DLG2: variants seen among roughly 807,000 people sequenced by gnomAD.
DLG2 encodes the protein discs large MAGUK scaffold protein 2.
A neutral mutation model predicts 132.5 loss-of-function variants in DLG2; 45 were observed. That is an observed-to-expected ratio of 0.34 (90% CI 0.27 to 0.44). The LOEUF is 0.44. Among genes scored for constraint, DLG2 ranks in the 20% least tolerant of loss-of-function variants. The pLI is 1.00. For missense variants in DLG2, 1,045 were observed against 1,196.9 expected (o/e 0.87, Z 1.87); for synonymous variants, 424 against 419.6 (o/e 1.01, Z -0.13).
intron 3 of DLG2, among the ~76,000 whole-genome samples, chr11:85,421,182 T>C (rs2090277952): frequency 6.6e-6 from 1 of 152,024 alleles, no homozygotes; most frequent in Non-Finnish European, 1.5e-5. Flanking sequence ...CCATTCCTCA[T>C]GGCACAGTTC....
At chr11:84,142,933 T>A (rs2154241128) in intron 9 of DLG2, among the ~76,000 whole-genome samples, 1 of 151,058 alleles carries the variant, frequency 6.6e-6, no homozygotes, top group East Asian at 1.9e-4. Context: ...CTAAATCCCC[T>A]CATATATATA....
chr11:84,757,923 T>A (rs1295520133), intron 6 of DLG2, among the ~76,000 whole-genome samples: 1 of 152,172 alleles, frequency 6.6e-6, no homozygotes, highest in African/African-American at 2.4e-5. Context: ...CTTATCCTAA[T>A]ACCATGGGAA....
chr11:84,428,872 G>C (rs1025476063), intron 7 of DLG2, among the ~76,000 whole-genome samples: 1 of 152,180 alleles, frequency 6.6e-6, no homozygotes, highest in Admixed American at 6.5e-5. Context: ...TGGCATGTGG[G>C]ATAAGGCAGC....
At chr11:83,623,186 T>C (rs985404546) in intron 19 of DLG2, among the ~76,000 whole-genome samples, 1 of 152,194 alleles carries the variant, frequency 6.6e-6, no homozygotes, top group Non-Finnish European at 1.5e-5. Flanking sequence ...TATCTTTTTT[T>C]TTCTGTTGTT....
chr11:84,668,478 C>T (rs938634792), intron 6 of DLG2, among the ~76,000 whole-genome samples: 2 of 152,114 alleles, frequency 1.3e-5, no homozygotes, highest in African/African-American at 4.8e-5. Context: ...GATCAGAATG[C>T]CTCGTTCACT....
At chr11:84,159,921 T>G (rs1294410272) in intron 9 of DLG2, among the ~76,000 whole-genome samples, 1 of 152,144 alleles carries the variant, frequency 6.6e-6, no homozygotes, top group Non-Finnish European at 1.5e-5. Context: ...CTTTTAGATT[T>G]TAGATTATTT....
chr11:83,854,710 C>G (rs531615768), intron 16 of DLG2, among the ~76,000 whole-genome samples: 2 of 152,132 alleles, frequency 1.3e-5, no homozygotes, highest in African/African-American at 2.4e-5. Flanking sequence ...GGATACAACA[C>G]CAAAGGCATG....
At position 84,709,831 on chromosome 11, in the gene DLG2, T is replaced by C. The variant is rs993822414; in HGVS notation, c.358-175100A>G. On this transcript the variant is annotated intron_variant, in intron 6 of 27. Coordinates refer to ENST00000376104, the MANE Select transcript of DLG2 (RefSeq NM_001142699.3). Reference sequence around the variant, plus strand: ...AGAAGTGTTGGACCATAGAGATCAATTGTAGACTTGAATAGAAAATCAAAT... The same window carrying C: ...AGAAGTGTTGGACCATAGAGATCAACTGTAGACTTGAATAGAAAATCAAAT... 4.0e-5 allele frequency among the ~76,000 whole-genome samples: 6 copies of C among 151,888 alleles called. No homozygotes were observed. The East Asian group carries it at 7.8e-4, about 20-fold the overall frequency.
chr11:84,431,168 A>G (rs986851771), intron 7 of DLG2, among the ~76,000 whole-genome samples: 3 of 152,198 alleles, frequency 2.0e-5, no homozygotes, highest in African/African-American at 7.2e-5. Context: ...ATAAACCTAC[A>G]TGATTTTATA....
intron 5 of DLG2, among the ~76,000 whole-genome samples, chr11:85,137,490 C>T (rs1296406260): frequency 6.6e-6 from 1 of 152,110 alleles, no homozygotes; most frequent in Non-Finnish European, 1.5e-5. Flanking sequence ...TTCTGTCCCT[C>T]TGGGTCCAAA....
At chr11:83,670,260 G>A (rs999033481) in intron 18 of DLG2, among the ~76,000 whole-genome samples, 7 of 152,112 alleles carry the variant, frequency 4.6e-5, no homozygotes, top group Non-Finnish European at 1.0e-4. Flanking sequence ...TACAAATAGA[G>A]TGGATGCTTG....
At chr11:84,346,289 T>C (rs1354931946) in intron 7 of DLG2, among the ~76,000 whole-genome samples, 2 of 152,322 alleles carry the variant, frequency 1.3e-5, no homozygotes, top group Non-Finnish European at 2.9e-5. Context: ...TTTATTTATT[T>C]ATAGGTCTTC....
intron 4 of DLG2, among the ~76,000 whole-genome samples, chr11:85,156,062 T>C (rs1421333279): frequency 6.6e-6 from 1 of 152,064 alleles, no homozygotes; most frequent in Non-Finnish European, 1.5e-5. Context: ...CCACTCCTTT[T>C]CAGGCAATAG....
intron 3 of DLG2, among the ~76,000 whole-genome samples, chr11:85,509,524 AG>A (rs1366413088): frequency 1.6e-4 from 24 of 152,204 alleles, no homozygotes; most frequent in African/African-American, 4.3e-4. Flanking sequence ...ATCTAAGGAC[AG>A]GATATGTATA....
intron 3 of DLG2, among the ~76,000 whole-genome samples, chr11:85,397,696 T>C (rs2087549890): frequency 1.3e-5 from 2 of 152,124 alleles, no homozygotes; most frequent in African/African-American, 2.4e-5. Context: ...CACTACATAA[T>C]GGTAAAAGGA....
At chr11:84,333,920 T>C (rs1458263634) in intron 7 of DLG2, among the ~76,000 whole-genome samples, 1 of 152,124 alleles carries the variant, frequency 6.6e-6, no homozygotes, top group African/African-American at 2.4e-5. Flanking sequence ...TTCGAAGAAA[T>C]GAAACTAAGT....
At chr11:83,836,685 T>A (rs1338975294) in intron 16 of DLG2, among the ~76,000 whole-genome samples, 3 of 152,176 alleles carry the variant, frequency 2.0e-5, no homozygotes, top group African/African-American at 7.2e-5. Flanking sequence ...GTAGATATCA[T>A]GGGTCCCTCT....
chr11:85,130,664 G>A (rs1175011073), intron 5 of DLG2, among the ~76,000 whole-genome samples: 2 of 152,208 alleles, frequency 1.3e-5, no homozygotes, highest in Non-Finnish European at 2.9e-5. Flanking sequence ...CTATTGGAAA[G>A]TGAACTTATT....
intron 15 of DLG2, among the ~76,000 whole-genome samples, chr11:83,915,861 C>G (rs2076835624): frequency 6.6e-6 from 1 of 152,124 alleles, no homozygotes. Flanking sequence ...CCAAAGAAAT[C>G]CCATACCCAT....
Sources: gnomAD v4.1 joint callset for allele counts (sites outside exome capture counted in the v4.1 genomes callset) on GRCh38, gnomAD v4.1.1 for gene constraint, MANE v1.5 for transcripts, NCBI Gene and HGNC (gene_info 2026-07-23, HGNC 2026-07-21) for gene names.